Variants in ESR1 observed in about 807,000 individuals in gnomAD.
ESR1 encodes the protein estrogen receptor 1.
In ESR1, 12 loss-of-function variants were observed where a neutral mutation model predicts 52.7. The observed-to-expected ratio is 0.23, with a 90% CI of 0.15 to 0.37. The LOEUF is 0.37. Ranked by LOEUF, ESR1 falls within the 10% of genes least tolerant of loss-of-function variation. The pLI is 1.00. For synonymous variants in ESR1, 305 were observed against 316.8 expected (o/e 0.96, Z 0.39); for missense variants, 584 against 779.7 (o/e 0.75, Z 2.99).
chr6:151,709,897 AG>A (rs2127997214), intron 2 of ESR1, among the ~76,000 whole-genome samples: 1 of 151,790 alleles, frequency 6.6e-6, no homozygotes, highest in South Asian at 2.1e-4. Flanking sequence ...CTTACTTCAA[AG>A]AGTCTTCCCA....
At chr6:151,959,836 G>C (rs1011534189) in intron 4 of ESR1, among the ~76,000 whole-genome samples, 9 of 152,202 alleles carry the variant, frequency 5.9e-5, no homozygotes, top group Non-Finnish European at 2.9e-5. Flanking sequence ...TGTCCTGTCA[G>C]AGAAAATAAT....
intron 1 of ESR1, among the ~76,000 whole-genome samples, chr6:151,662,202 C>T (rs370473957): frequency 5.9e-5 from 9 of 152,268 alleles, no homozygotes; most frequent in African/African-American, 1.9e-4. Context: ...TTTTCACAAT[C>T]GATATGGCCT....
At chr6:151,910,231 T>A (rs1334599008) in intron 3 of ESR1, among the ~76,000 whole-genome samples, 1 of 151,916 alleles carries the variant, frequency 6.6e-6, no homozygotes, top group African/African-American at 2.4e-5. Flanking sequence ...GGAACTAAAT[T>A]TTTAATTCAA....
At chr6:151,775,655 A>G (rs1461771631) in intron 2 of ESR1, among the ~76,000 whole-genome samples, 1 of 151,782 alleles carries the variant, frequency 6.6e-6, no homozygotes, top group Non-Finnish European at 1.5e-5. Flanking sequence ...CTGAGGCAGG[A>G]GAATGGCGTG....
chr6:151,990,646 C>T (rs2040920434), intron 4 of ESR1, among the ~76,000 whole-genome samples: 1 of 152,132 alleles, frequency 6.6e-6, no homozygotes, highest in Non-Finnish European at 1.5e-5. Context: ...GAAATGCAGC[C>T]TCTGGATAAG....
At chr6:152,081,957 A>G (rs1161392337) in intron 6 of ESR1, among the ~76,000 whole-genome samples, 1 of 152,050 alleles carries the variant, frequency 6.6e-6, no homozygotes, top group Non-Finnish European at 1.5e-5. Flanking sequence ...CACCAATAAC[A>G]GGTACTGAAC....
chr6:151,847,408 C>T (rs1276453043), intron 2 of ESR1, among the ~76,000 whole-genome samples: 1 of 151,788 alleles, frequency 6.6e-6, no homozygotes, highest in Non-Finnish European at 1.5e-5. Flanking sequence ...CCTGTTGTTT[C>T]CTGACTTTTT....
intron 2 of ESR1, among the ~76,000 whole-genome samples, chr6:151,849,822 T>C (rs1785960316): frequency 6.6e-6 from 1 of 150,662 alleles, no homozygotes; most frequent in African/African-American, 2.4e-5. Flanking sequence ...TATTGAGAAA[T>C]TGAGTAAGCC....
At chr6:151,791,525 T>C (rs1325275108) in intron 2 of ESR1, among the ~76,000 whole-genome samples, 2 of 152,152 alleles carry the variant, frequency 1.3e-5, no homozygotes, top group Non-Finnish European at 2.9e-5. Context: ...ATTAGCAGTG[T>C]GAAAATGGAC....
rs1213012596 is a variant in ESR1 at position 152,061,022 on chromosome 6, G to C, written c.1267G>C (p.Glu423Gln). ...NQGKCVEGMVEIFDMLLATSS... is the reference protein window; with the variant it reads ...NQGKCVEGMVQIFDMLLATSS... ...GGGAAAATGTGTAGAGGGCATGGTG[G>C]AGATCTTCGACATGCTGCTGGCTAC... Residue 423 changes from glutamate (E) to glutamine (Q), a missense_variant, in exon 6 of 8, where the codon GAG (glutamate) becomes CAG (glutamine). By Grantham distance (29) the Glu-to-Gln change is conservative (BLOSUM62 2). Transcript: ENST00000206249. This position sits in a 1 kb window ranked among gnomAD's most constrained non-coding sequence, Gnocchi z 4.3. 1 of 1,611,788 alleles carries C rather than the reference G, an allele frequency of 6.2e-7. No individual in the cohort carries two copies. The highest frequency in any genetic ancestry group is 1.3e-5 in the African/African-American group (1 of 74,606).
chr6:151,922,128 G>A (rs2031818001), intron 3 of ESR1, among the ~76,000 whole-genome samples: 1 of 152,052 alleles, frequency 6.6e-6, no homozygotes, highest in South Asian at 2.1e-4. Context: ...TAGACCAATG[G>A]AACAGAATAG....
At chr6:151,892,001 AG>A (rs1344054952) in intron 3 of ESR1, among the ~76,000 whole-genome samples, 1 of 152,176 alleles carries the variant, frequency 6.6e-6, no homozygotes, top group African/African-American at 2.4e-5. Flanking sequence ...AATTGTTTTT[AG>A]ATAATTCTAT....
chr6:151,773,385 G>C (rs944706226), intron 2 of ESR1, among the ~76,000 whole-genome samples: 2 of 152,174 alleles, frequency 1.3e-5, no homozygotes, highest in Non-Finnish European at 2.9e-5. Context: ...CATTTTTGAT[G>C]TTTAAGCCAC....
chr6:151,726,477 G>A (rs1021426159), intron 2 of ESR1, among the ~76,000 whole-genome samples: 2 of 151,908 alleles, frequency 1.3e-5, no homozygotes, highest in Non-Finnish European at 2.9e-5. Flanking sequence ...GACTACAGGC[G>A]CCTGCCACCA....
chr6:152,096,060 G>A (rs2050586091), intron 7 of ESR1, among the ~76,000 whole-genome samples: 1 of 152,216 alleles, frequency 6.6e-6, no homozygotes, highest in African/African-American at 2.4e-5. Context: ...CATCTGCAGG[G>A]AAGAGATGGG....
At chr6:152,026,537 A>G (rs567051430) in intron 5 of ESR1, among the ~76,000 whole-genome samples, 19 of 151,936 alleles carry the variant, frequency 1.3e-4, no homozygotes, top group Non-Finnish European at 2.5e-4. Context: ...AATACTTTTA[A>G]TAGATGAGTT....
intron 2 of ESR1, among the ~76,000 whole-genome samples, chr6:151,746,636 G>T (rs1285418966): frequency 2.6e-5 from 4 of 152,188 alleles, no homozygotes; most frequent in African/African-American, 4.8e-5. Context: ...AACTGAGTCT[G>T]ATTTGAGGTG....
chr6:151,700,559 G>A (rs1050953992), intron 1 of ESR1, among the ~76,000 whole-genome samples: 1 of 151,848 alleles, frequency 6.6e-6, no homozygotes, highest in African/African-American at 2.4e-5. Flanking sequence ...CTTACTTTGA[G>A]CAGATGTTTC....
intron 4 of ESR1, among the ~76,000 whole-genome samples, chr6:151,973,143 C>CA (rs1313033597): frequency 6.6e-6 from 1 of 152,156 alleles, no homozygotes; most frequent in East Asian, 1.9e-4. Flanking sequence ...TTGCATCCTT[C>CA]AATCCAATCA....
Sources: allele counts gnomAD v4.1 joint callset (sites outside exome capture counted in the v4.1 genomes callset), GRCh38; gene constraint gnomAD v4.1.1; non-coding constraint Gnocchi (gnomAD v3.1); transcripts MANE v1.5; gene names NCBI Gene and HGNC (gene_info 2026-07-23, HGNC 2026-07-21).